The following UBR4 variants were observed in gnomAD, a reference collection of about 807,000 sequenced individuals.
UBR4 encodes the protein E3 ubiquitin-protein ligase UBR4.
Under a neutral mutation model 575.6 loss-of-function variants are expected in UBR4, and 124 were observed. The ratio of observed to expected loss-of-function variants is 0.22; its 90% CI spans 0.19 to 0.25. UBR4 has a LOEUF of 0.25. Ranked by LOEUF, UBR4 falls within the 10% of genes least tolerant of loss-of-function variation. The probability of loss-of-function intolerance (pLI) is 1.00; values close to 1 mark genes in which losing one functional copy is unlikely to be tolerated. For missense variants in UBR4, 4,818 were observed against 6,478.8 expected (o/e 0.74, Z 8.80); for synonymous variants, 2,455 against 2,473.7 (o/e 0.99, Z 0.22).
In UBR4 at chr1:19,088,975, A is replaced by C; in HGVS notation, c.14214T>G (p.Val4738=). The change falls in exon 98 of 106, where the codon GTT becomes GTG. Residue 4738 remains valine (V), a splice_region_variant and synonymous_variant. Coordinates refer to ENST00000375254, the MANE Select transcript of UBR4 (RefSeq NM_020765.3). The surrounding 1 kb of genome is among the most constrained non-coding windows in gnomAD (Gnocchi z 4.0). ...TCGGGATGGAATCAGTTCCAATCAG[A>C]ACCTGCCAGTAAGAGACCAGAGAGA... ...GLAIQHPGTQ[V]LIGTDSIPNL... is the part of the protein sequence containing the mutation. 6.2e-7 allele frequency: 1 copy of C among 1,613,732 alleles called. No individual in the cohort carries two copies. Among genetic ancestry groups the C allele is most frequent in the Non-Finnish European group, 8.5e-7 (1 of 1,179,890 alleles).
chr1:19,113,619 G>A, intron 77 of UBR4, 80 bp downstream of exon 77: 1 of 1,574,858 alleles, frequency 6.3e-7, no homozygotes, highest in Non-Finnish European at 8.6e-7. Flanking sequence ...TGCTAGATGA[G>A]AGAGCAGCAG....
rs778448859 is a variant in UBR4, at chr1:19,153,454, G to T, written c.6679C>A (p.Arg2227=). The T allele has an allele frequency of 6.2e-7, 1 of 1,614,146 alleles. No homozygotes were observed. Among genetic ancestry groups the T allele is most frequent in the South Asian group, 1.1e-5 (1 of 91,078 alleles). The stretch of plus-strand genomic sequence containing the variant: ...TCACACAGCAGAATCATTGTTGTCC[G>T]CTGCTGCTCATTGCAGGCCGTGTGC... The part of the protein sequence containing the change: ...IRHTACNEQQ[R]TTMILLCEDG... The change falls in exon 46 of 106, where the codon CGG becomes AGG. Residue 2227 remains arginine (R), a synonymous_variant. Coordinates refer to ENST00000375254, the MANE Select transcript of UBR4 (RefSeq NM_020765.3). This position sits in a 1 kb window ranked among gnomAD's most constrained non-coding sequence, Gnocchi z 4.1.
rs143274132 is a variant in UBR4, at chr1:19,185,285, G to A, written c.1752C>T (p.Asp584=). ...FSSTEEDSSQ[D]DDSEPILGQW... ...GCCCCAAAATAGGCTCACTGTCATC[G>A]TCTGAATAGAGAAAGATAAAGTAAC... The change falls in exon 15 of 106, where the codon GAC becomes GAT. Residue 584 remains aspartate (D), a splice_region_variant and synonymous_variant. Transcript: ENST00000375254. 10 of 1,547,876 alleles carry A rather than the reference G, an allele frequency of 6.5e-6. No homozygotes were observed. Among genetic ancestry groups the A allele is most frequent in the South Asian group, 1.2e-5 (1 of 81,278 alleles).
At chr1:19,124,374 G>A (rs2149537024) in intron 65 of UBR4, 167 bp downstream of exon 65, 1 of 859,592 alleles carries the variant, frequency 1.2e-6, no homozygotes, top group Admixed American at 3.2e-5. Flanking sequence ...ATCTCCCACA[G>A]TTCTACCACA....
At chr1:19,113,017 C>T in intron 77 of UBR4, 150 bp from the exon 78 acceptor site, 1 of 791,216 alleles carries the variant, frequency 1.3e-6, no homozygotes, top group Non-Finnish European at 1.9e-6. Context: ...TGCTTTATCT[C>T]CATTTTACAG....
chr1:19,175,854 C>T lies in UBR4; in HGVS notation c.2773+738G>A, dbSNP rs141741728. On this transcript the variant is annotated intron_variant, in intron 20 of 105. Transcript: ENST00000375254. ...TGTCAACCAGGCTGGAGTACAGTGG[C>T]GTGATCACAGCTCACTGCAACCTCA... 4.7e-4 allele frequency among the ~76,000 whole-genome samples: 72 copies of T among 151,916 alleles called. No homozygotes were observed. In the East Asian group the frequency reaches 0.013, roughly 27 times the overall value.
Position 19,136,719 on chromosome 1 carries a change from T to G in UBR4, c.8906+1288A>C, listed in dbSNP as rs190037532. On this transcript the variant is annotated intron_variant, in intron 60 of 105. Transcript: ENST00000375254. Reference sequence around the variant, plus strand: ...AGACAAAAGCAGGCTGGATTTTAAATGTTTAAAGTAAATTTTTTAAAAAAT... The same window carrying G: ...AGACAAAAGCAGGCTGGATTTTAAAGGTTTAAAGTAAATTTTTTAAAAAAT... 4.1e-3 allele frequency among the ~76,000 whole-genome samples: 622 copies of G among 152,294 alleles called. 9 individuals carry two copies. Among genetic ancestry groups the G allele is most frequent in the African/African-American group, 0.014 (597 of 41,580 alleles).
chr1:19,084,117 G>A (rs1373282894), intron 102 of UBR4, among the ~76,000 whole-genome samples: 1 of 152,206 alleles, frequency 6.6e-6, no homozygotes, highest in Non-Finnish European at 1.5e-5. Context: ...AATGATGTGG[G>A]CACAGCTCCG....
Position 19,109,231 on chromosome 1 carries a change from C to T in UBR4, c.12105+865G>A, listed in dbSNP as rs537199305. Among the ~76,000 whole-genome samples, 5 of 152,328 alleles carry T rather than the reference C, an allele frequency of 3.3e-5. No individual in the cohort carries two copies. The South Asian group carries it at 8.3e-4, about 25-fold the overall frequency. On this transcript the variant is annotated intron_variant, in intron 81 of 105. Coordinates refer to ENST00000375254, the MANE Select transcript of UBR4 (RefSeq NM_020765.3). ...ATCCAGGGCAAGTTGGTGGCAGAGCCTTAGGCATGGCCCAAAGAAAGAACT... is the reference window on the plus strand; with the variant it reads ...ATCCAGGGCAAGTTGGTGGCAGAGCTTTAGGCATGGCCCAAAGAAAGAACT...
chr1:19,115,307 T>C (rs2080400355), intron 74 of UBR4, 91 bp downstream of exon 74: 5 of 1,520,932 alleles, frequency 3.3e-6, no homozygotes, highest in Non-Finnish European at 4.4e-6. Flanking sequence ...TCTGAGGGAA[T>C]CAGACACTGT....
chr1:19,092,722 G>C, intron 97 of UBR4, 97 bp downstream of exon 97: 1 of 980,056 alleles, frequency 1.0e-6, no homozygotes, highest in South Asian at 1.8e-5. Flanking sequence ...TTCTACTCTA[G>C]AAGTCTCATA....
intron 99 of UBR4, among the ~76,000 whole-genome samples, chr1:19,087,528 A>C (rs966249582): frequency 6.6e-6 from 1 of 152,240 alleles, no homozygotes; most frequent in Non-Finnish European, 1.5e-5. Flanking sequence ...TACAGGTTTA[A>C]ATAAAATTAT....
At position 19,152,348 on chromosome 1, in the gene UBR4, G is replaced by C; in HGVS notation, c.6961C>G (p.Leu2321Val). 1 of 1,613,960 alleles carries C rather than the reference G, an allele frequency of 6.2e-7. No individual in the cohort carries two copies. Among genetic ancestry groups the C allele is most frequent in the Non-Finnish European group, 8.5e-7 (1 of 1,179,858 alleles). Reference protein sequence around the residue: ...VYNAQQIKHRLNSTGMYVANT... With the variant: ...VYNAQQIKHRVNSTGMYVANT... ...GCCACATACATGCCAGTGGAATTCA[G>C]CCGGTGTTTTATCTGTTGTGCATTA... The change falls in exon 47 of 106, where the codon CTG (leucine) becomes GTG (valine). Residue 2321 changes from leucine (L) to valine (V), a missense_variant. Physicochemically the swap from Leu to Val is conservative, Grantham distance 32 (BLOSUM62 1). Around this residue, in one of 29 missense-constraint regions of UBR4, gnomAD observed 461 missense variants for 606.9 expected, o/e 0.76. Coordinates refer to ENST00000375254, the MANE Select transcript of UBR4 (RefSeq NM_020765.3). This position sits in a 1 kb window ranked among gnomAD's most constrained non-coding sequence, Gnocchi z 4.4.
intron 27 of UBR4, 46 bp from the exon 28 acceptor site, chr1:19,168,230 G>C: frequency 1.4e-6 from 2 of 1,467,992 alleles, no homozygotes; most frequent in Non-Finnish European, 1.8e-6. Flanking sequence ...CATCTACCCT[G>C]GAAAAAATTC....
rs532022386 is a variant in UBR4, at chr1:19,181,436, T to C, written c.2185-2216A>G. On this transcript the variant is annotated intron_variant, in intron 17 of 105. Coordinates refer to ENST00000375254, the MANE Select transcript of UBR4 (RefSeq NM_020765.3). ...CCCCTTCCTGACTTTCCTGTCTCTA[T>C]TAATGACAATAGCATCCTTCTAGTT... Among the ~76,000 whole-genome samples, 6 of 152,340 alleles carry C rather than the reference T, an allele frequency of 3.9e-5. No homozygotes were observed. The South Asian group carries it at 1.2e-3, about 32-fold the overall frequency.
At position 19,106,458 on chromosome 1, in the gene UBR4, A is replaced by C. The variant is rs2079208409; in HGVS notation, c.12393+111T>G. On this transcript the variant is annotated intron_variant, in intron 83 of 105. Coordinates refer to ENST00000375254, the MANE Select transcript of UBR4 (RefSeq NM_020765.3). ...CTATTTGAAAGGAAGCAAGAAGAGC[A>C]AAGAGAAAGAAGAGATGGCAGTGCA... 6.6e-6 allele frequency: 9 copies of C among 1,358,938 alleles called. No homozygotes were observed. The South Asian group carries it at 1.4e-4, about 21-fold the overall frequency. The allele number at this position is 1,358,938 out of a possible 1,614,324, so 84.2% of individuals were successfully genotyped here.
chr1:19,193,902 G>A (rs915623246), intron 8 of UBR4, among the ~76,000 whole-genome samples: 4 of 152,168 alleles, frequency 2.6e-5, no homozygotes, highest in East Asian at 1.9e-4. Flanking sequence ...AAGACATGGA[G>A]GAACTATATG....
In UBR4 at chr1:19,154,941, T is replaced by G. The variant is rs571221975; in HGVS notation, c.6435A>C (p.Gln2145His). 2 of 1,613,930 alleles carry G rather than the reference T, an allele frequency of 1.2e-6. No individual in the cohort carries two copies. The highest frequency in any genetic ancestry group is 2.7e-5 in the African/African-American group (2 of 74,896). Residue 2145 changes from glutamine (Q) to histidine (H), a missense_variant, in exon 44 of 106, where the codon CAA becomes CAC. Gln to His is a conservative substitution (Grantham distance 24, BLOSUM62 0). This residue lies in a region of UBR4 where 461 missense variants were observed against 606.9 expected (regional missense o/e 0.76). Coordinates refer to ENST00000375254, the MANE Select transcript of UBR4 (RefSeq NM_020765.3). The part of the protein sequence containing the change: ...TISRTTLEVL[Q>H]LFPINIKSSN... ...ACCTTTTGATGTTGATGGGGAAGAG[T>G]TGCAACACCTCCAGGGTTGTCCTGC...
At chr1:19,098,910 CAA>C (rs1274619839) in intron 90 of UBR4, among the ~76,000 whole-genome samples, 2 of 151,350 alleles carry the variant, frequency 1.3e-5, no homozygotes, top group South Asian at 4.2e-4. Flanking sequence ...CCAATAGAAA[CAA>C]GAGAAGGGAA....
Sources: allele counts gnomAD v4.1 joint callset (sites outside exome capture counted in the v4.1 genomes callset), GRCh38; gene constraint gnomAD v4.1.1; regional missense constraint gnomAD v4.1.1; non-coding constraint Gnocchi (gnomAD v3.1); transcripts MANE v1.5; gene names NCBI Gene and HGNC (gene_info 2026-07-23, HGNC 2026-07-21).